The following PLCB1 variants were observed in gnomAD, a reference collection of about 807,000 sequenced individuals.
PLCB1 encodes the protein phospholipase C beta 1.
PLCB1 carries 46 observed loss-of-function variants against 161.8 expected under a neutral mutation model. The observed-to-expected ratio is 0.28, with a 90% CI of 0.22 to 0.36. The LOEUF (loss-of-function observed/expected upper bound fraction) is 0.36. PLCB1 is among the 10% of genes least tolerant of loss of function. PLCB1 has a pLI of 1.00. For missense variants in PLCB1, 1,016 were observed against 1,472.5 expected, an observed-to-expected ratio of 0.69 and a Z score of 5.07; for synonymous variants, 517 against 503.7, an observed-to-expected ratio of 1.03 and a Z score of -0.35.
At chr20:8,726,839 A>G (rs1488396324) in intron 16 of PLCB1, among the ~76,000 whole-genome samples, 1 of 152,098 alleles carries the variant, frequency 6.6e-6, no homozygotes, top group Non-Finnish European at 1.5e-5. Context: ...AGTTATTTGA[A>G]CCAAAAAAGT....
intron 2 of PLCB1, among the ~76,000 whole-genome samples, chr20:8,363,871 T>A (rs1233102152): frequency 3.3e-5 from 5 of 152,178 alleles, no homozygotes; most frequent in Non-Finnish European, 1.5e-5. Context: ...CAGAGAAATA[T>A]GATAATTAGG....
intron 3 of PLCB1, among the ~76,000 whole-genome samples, chr20:8,617,018 TCTC>T (rs1988056460): frequency 1.3e-5 from 2 of 152,118 alleles, no homozygotes; most frequent in Admixed American, 1.3e-4. Flanking sequence ...CATGATGCAA[TCTC>T]CTGCTGGGAA....
intron 3 of PLCB1, among the ~76,000 whole-genome samples, chr20:8,490,973 A>G (rs934106879): frequency 7.3e-5 from 11 of 151,402 alleles, no homozygotes; most frequent in Admixed American, 6.6e-4. Flanking sequence ...CTTTAGATAT[A>G]TGATTTTTCA....
intron 16 of PLCB1, among the ~76,000 whole-genome samples, chr20:8,725,831 A>T (rs1187689297): frequency 6.6e-6 from 1 of 152,182 alleles, no homozygotes; most frequent in Non-Finnish European, 1.5e-5. Context: ...CAGAACCTGG[A>T]AACAACAGCA....
chr20:8,779,841 G>C (rs1417591940), intron 27 of PLCB1, among the ~76,000 whole-genome samples: 1 of 152,226 alleles, frequency 6.6e-6, no homozygotes, highest in African/African-American at 2.4e-5. Flanking sequence ...ATCAAGTTGA[G>C]TGTATTATCT....
chr20:8,573,229 C>A (rs1986576501), intron 3 of PLCB1, among the ~76,000 whole-genome samples: 1 of 152,110 alleles, frequency 6.6e-6, no homozygotes, highest in East Asian at 1.9e-4. Flanking sequence ...GATTTGCCAA[C>A]ATAGGGGTCA....
At chr20:8,648,331 A>G (rs1311784193) in intron 6 of PLCB1, among the ~76,000 whole-genome samples, 1 of 152,170 alleles carries the variant, frequency 6.6e-6, no homozygotes, top group Non-Finnish European at 1.5e-5. Context: ...GCAACCTCAG[A>G]TGCTAACTGG....
At chr20:8,425,157 A>G (rs1165162820) in intron 3 of PLCB1, among the ~76,000 whole-genome samples, 1 of 150,098 alleles carries the variant, frequency 6.7e-6, no homozygotes, top group African/African-American at 2.5e-5. Flanking sequence ...AACTTAAGAT[A>G]CATGAATCCT....
At chr20:8,680,284 G>T (rs1990182417) in intron 9 of PLCB1, among the ~76,000 whole-genome samples, 1 of 152,160 alleles carries the variant, frequency 6.6e-6, no homozygotes. Flanking sequence ...AGGTTATATG[G>T]AAGGGATATC....
intron 2 of PLCB1, among the ~76,000 whole-genome samples, chr20:8,154,475 G>C (rs2051540065): frequency 1.3e-5 from 2 of 152,090 alleles, no homozygotes; most frequent in South Asian, 4.1e-4. Flanking sequence ...GATTCCCTAA[G>C]GTAAATGCTC....
chr20:8,614,374 A>G (rs906994669), intron 3 of PLCB1, among the ~76,000 whole-genome samples: 7 of 152,078 alleles, frequency 4.6e-5, no homozygotes, highest in African/African-American at 1.7e-4. Context: ...ACACACACAG[A>G]TGCTCATTGA....
chr20:8,777,731 AAAG>A (rs1297165733), intron 27 of PLCB1, among the ~76,000 whole-genome samples: 2 of 151,716 alleles, frequency 1.3e-5, no homozygotes, highest in African/African-American at 2.4e-5. Context: ...AAAAAAAAAA[AAAG>A]AAGTCTGGAC....
At chr20:8,752,468 A>C (rs1245621982) in intron 23 of PLCB1, 1 of 152,196 alleles carries the variant, frequency 6.6e-6, no homozygotes, top group Non-Finnish European at 1.5e-5. Flanking sequence ...TTCTAATTGC[A>C]GTCTCCATTC....
chr20:8,465,258 G>C (rs1439601553), intron 3 of PLCB1, among the ~76,000 whole-genome samples: 1 of 152,068 alleles, frequency 6.6e-6, no homozygotes, highest in Non-Finnish European at 1.5e-5. Flanking sequence ...GGTAGAGGTG[G>C]GAAATCAACC....
At chr20:8,754,569 T>C (rs531539214) in intron 23 of PLCB1, among the ~76,000 whole-genome samples, 133 of 152,302 alleles carry the variant, frequency 8.7e-4, no homozygotes, top group African/African-American at 2.8e-3. Context: ...AGAAACCAAC[T>C]TGGATATAAT....
At chr20:8,162,655 G>A (rs576020032) in intron 2 of PLCB1, among the ~76,000 whole-genome samples, 1 of 152,278 alleles carries the variant, frequency 6.6e-6, no homozygotes, top group Admixed American at 6.5e-5. Flanking sequence ...TTTCTCCCTG[G>A]CATTGTGCAA....
chr20:8,231,022 C>T (rs1249159511), intron 2 of PLCB1, among the ~76,000 whole-genome samples: 1 of 152,022 alleles, frequency 6.6e-6, no homozygotes. Context: ...CCCTTCTTTC[C>T]ATTCACCTCT....
At chr20:8,796,362 C>T (rs558289144) in intron 31 of PLCB1, among the ~76,000 whole-genome samples, 15 of 152,212 alleles carry the variant, frequency 9.9e-5, no homozygotes, top group African/African-American at 2.9e-4. Flanking sequence ...ACCTTAAATG[C>T]GGCTGATATC....
chr20:8,816,053 A>G (rs16995285), intron 31 of PLCB1, among the ~76,000 whole-genome samples: 10,108 of 152,266 alleles, frequency 0.066, 913 homozygotes, highest in African/African-American at 0.2. Context: ...GGCAAAGAAT[A>G]TGAAAGATGA....
Sources: gnomAD v4.1 joint callset for allele counts (sites outside exome capture counted in the v4.1 genomes callset) on GRCh38, gnomAD v4.1.1 for gene constraint, MANE v1.5 for transcripts, NCBI Gene and HGNC (gene_info 2026-07-23, HGNC 2026-07-21) for gene names.